The following ZNF438 variants were observed in gnomAD, a reference collection of about 807,000 sequenced individuals.
ZNF438 encodes zinc finger protein 438.
ZNF438 carries 25 observed loss-of-function variants against 38.0 expected under a neutral mutation model. That is an observed-to-expected ratio of 0.66 (90% CI 0.48 to 0.92). The LOEUF (loss-of-function observed/expected upper bound fraction) is 0.92, where lower values mean the gene tolerates loss of function less well. Among genes scored for constraint, ZNF438 ranks in the 40% least tolerant of loss-of-function variants. ZNF438 has a pLI of 0.00. For missense variants in ZNF438, 1,007 were observed against 999.6 expected (o/e 1.01, Z -0.10); for synonymous variants, 372 against 364.1 (o/e 1.02, Z -0.25).
chr10:30,877,173 T>A, intron 3 of ZNF438, 108 bp from the exon 5 acceptor site: 1 of 503,654 alleles, frequency 2.0e-6, no homozygotes, highest in Non-Finnish European at 3.3e-6. Flanking sequence ...GTTTTATAAC[T>A]ATATGAGTAA....
exon 5 of ZNF438, chr10:30,849,234 C>T: frequency 6.8e-6 from 11 of 1,614,114 alleles, no homozygotes; most frequent in East Asian, 4.5e-5. Context: ...AAAATTTCAT[C>T]TGGTACCTTC....
At chr10:30,945,191 G>C (rs985993372) in intron 1 of ZNF438, among the ~76,000 whole-genome samples, 1 of 151,332 alleles carries the variant, frequency 6.6e-6, no homozygotes, top group Non-Finnish European at 1.5e-5. Flanking sequence ...AGTATTTTAA[G>C]GCTCTGTTAG....
At chr10:30,882,357 C>T (rs2039378952) in intron 3 of ZNF438, among the ~76,000 whole-genome samples, 1 of 152,184 alleles carries the variant, frequency 6.6e-6, no homozygotes, top group African/African-American at 2.4e-5. Context: ...TAATCCCTTC[C>T]TACCAACCCA....
chr10:30,885,928 G>A (rs952285802), intron 3 of ZNF438, among the ~76,000 whole-genome samples: 1 of 152,134 alleles, frequency 6.6e-6, no homozygotes. Context: ...TGTTATTTTA[G>A]AAGCAGGATT....
chr10:30,865,774 C>G (rs2036318890), intron 4 of ZNF438, among the ~76,000 whole-genome samples: 1 of 152,158 alleles, frequency 6.6e-6, no homozygotes, highest in African/African-American at 2.4e-5. Context: ...AGACGTCTGG[C>G]TTTGGTGTTT....
chr10:30,939,529 T>A (rs928356257), intron 2 of ZNF438, among the ~76,000 whole-genome samples: 1 of 152,248 alleles, frequency 6.6e-6, no homozygotes, highest in Non-Finnish European at 1.5e-5. Flanking sequence ...CCCACCCATG[T>A]GAAAGGATAG....
rs1250608168 is a variant in ZNF438 at position 30,970,981 on chromosome 10, C to T, written c.-191-29330G>A. The stretch of plus-strand genomic sequence containing the variant: ...CTTTCTGGTTTAGCAAGCAGACACC[C>T]GACTCTGGGGACTTGGTAAAGGCCA... On this transcript the variant is annotated intron_variant, in intron 1 of 5. Transcript: ENST00000413025. 3.9e-5 allele frequency among the ~76,000 whole-genome samples: 6 copies of T among 152,224 alleles called. 1 individual carries two copies. The highest frequency in any genetic ancestry group is 5.9e-5 in the Non-Finnish European group (4 of 68,002).
exon 5 of ZNF438, chr10:30,850,221 C>G: frequency 1.9e-6 from 3 of 1,614,124 alleles, no homozygotes; most frequent in Non-Finnish European, 2.5e-6. Flanking sequence ...CCCAGATTCA[C>G]CTGATCAGAG....
At chr10:30,893,371 T>C (rs187211343) in intron 3 of ZNF438, among the ~76,000 whole-genome samples, 68 of 152,332 alleles carry the variant, frequency 4.5e-4, no homozygotes, top group African/African-American at 1.6e-3. Context: ...AAGGAGTCCG[T>C]TGCAAGAGAC....
chr10:30,905,005 T>A (rs1327158918), intron 3 of ZNF438, among the ~76,000 whole-genome samples: 1 of 152,156 alleles, frequency 6.6e-6, no homozygotes, highest in Non-Finnish European at 1.5e-5. Context: ...TTCACACCCC[T>A]TTGTGTTCAT....
At chr10:30,984,245 A>G (rs2052527886) in intron 1 of ZNF438, 124 bp downstream of exon 2, 2 of 152,198 alleles carry the variant, frequency 1.3e-5, no homozygotes, top group Non-Finnish European at 2.9e-5. Context: ...CAAATGTTAT[A>G]CTGAAGAGAA....
At chr10:30,941,326 C>G (rs2046801556) in intron 2 of ZNF438, among the ~76,000 whole-genome samples, 1 of 152,168 alleles carries the variant, frequency 6.6e-6, no homozygotes, top group Admixed American at 6.5e-5. Flanking sequence ...CCCATCTCGG[C>G]CTCCCAAAGT....
At chr10:30,949,779 C>T (rs1450094582) in intron 1 of ZNF438, among the ~76,000 whole-genome samples, 1 of 151,432 alleles carries the variant, frequency 6.6e-6, no homozygotes, top group African/African-American at 2.4e-5. Context: ...GAGACTTAGA[C>T]TCCCACACAT....
chr10:30,875,643 G>T, intron 4 of ZNF438: 3 of 943,472 alleles, frequency 3.2e-6, no homozygotes, highest in Non-Finnish European at 3.8e-6. Flanking sequence ...TTTATTTCTA[G>T]TTGGGGTTTG....
At chr10:30,874,010 T>C (rs1467272470) in intron 4 of ZNF438, among the ~76,000 whole-genome samples, 16 of 151,732 alleles carry the variant, frequency 1.1e-4, no homozygotes, top group Admixed American at 1.1e-3. Flanking sequence ...AATTAATAAA[T>C]AGCATGTGCC....
chr10:30,944,144 C>T (rs537824521), intron 1 of ZNF438, among the ~76,000 whole-genome samples: 1 of 152,214 alleles, frequency 6.6e-6, no homozygotes, highest in East Asian at 1.9e-4. Flanking sequence ...AATCTCTCTC[C>T]CTCTTTCTGA....
chr10:30,937,416 G>C (rs2046367735), intron 2 of ZNF438, among the ~76,000 whole-genome samples: 1 of 152,170 alleles, frequency 6.6e-6, no homozygotes, highest in Non-Finnish European at 1.5e-5. Flanking sequence ...TCTGGCTCTT[G>C]GCACAATCAT....
chr10:30,929,248 A>G (rs2045331429), intron 2 of ZNF438, among the ~76,000 whole-genome samples: 1 of 152,062 alleles, frequency 6.6e-6, no homozygotes, highest in South Asian at 2.1e-4. Context: ...GAAGCCATGG[A>G]CCCTCGCAGT....
At chr10:30,956,969 C>T (rs1471598839) in intron 1 of ZNF438, among the ~76,000 whole-genome samples, 2 of 152,144 alleles carry the variant, frequency 1.3e-5, no homozygotes, top group Admixed American at 6.6e-5. Context: ...AACTTCCATG[C>T]TGTTTTTTAT....
Sources: gnomAD v4.1 joint callset for allele counts (sites outside exome capture counted in the v4.1 genomes callset) on GRCh38, gnomAD v4.1.1 for gene constraint, MANE v1.5 for transcripts, NCBI Gene and HGNC (gene_info 2026-07-23, HGNC 2026-07-21) for gene names.